KCNK10: variants seen among roughly 807,000 people sequenced by gnomAD.
KCNK10 encodes potassium channel subfamily K member 10.
Under a neutral mutation model 47.7 loss-of-function variants are expected in KCNK10, and 25 were observed. That is an observed-to-expected ratio of 0.52 (90% CI 0.38 to 0.73). The LOEUF (loss-of-function observed/expected upper bound fraction) is 0.73, where lower values mean the gene tolerates loss of function less well. Ranked by LOEUF, KCNK10 falls within the 30% of genes least tolerant of loss-of-function variation. KCNK10 has a pLI of 0.00. For missense variants in KCNK10, 563 were observed against 714.5 expected (o/e 0.79, Z 2.42); for synonymous variants, 303 against 285.6 (o/e 1.06, Z -0.61).
At chr14:88,300,858 T>C (rs1215681997) in intron 1 of KCNK10, among the ~76,000 whole-genome samples, 1 of 152,060 alleles carries the variant, frequency 6.6e-6, no homozygotes, top group Non-Finnish European at 1.5e-5. Context: ...ATTTATCATA[T>C]GTTTTAAATA....
At chr14:88,272,951 G>A (rs1249188872) in intron 1 of KCNK10, among the ~76,000 whole-genome samples, 2 of 152,150 alleles carry the variant, frequency 1.3e-5, no homozygotes, top group Non-Finnish European at 2.9e-5. Context: ...ATCATGCTCT[G>A]CAAGACAGAA....
intron 1 of KCNK10, among the ~76,000 whole-genome samples, chr14:88,284,745 A>G (rs974545278): frequency 1.3e-5 from 2 of 152,146 alleles, no homozygotes; most frequent in Non-Finnish European, 2.9e-5. Flanking sequence ...CTTCCTCTCC[A>G]GTCCACTGGC....
At chr14:88,233,538 T>C (rs557478180) in intron 3 of KCNK10, among the ~76,000 whole-genome samples, 66 of 152,306 alleles carry the variant, frequency 4.3e-4, no homozygotes, top group African/African-American at 1.6e-3. Context: ...CCACTGGGGA[T>C]ATGACAATGA....
intron 1 of KCNK10, among the ~76,000 whole-genome samples, chr14:88,310,375 T>C (rs1888303353): frequency 6.6e-6 from 1 of 151,968 alleles, no homozygotes; most frequent in Non-Finnish European, 1.5e-5. Context: ...GCCCCATTTC[T>C]GCAGGCACTC....
chr14:88,240,553 C>A, intron 3 of KCNK10, 150 bp downstream of exon 3: 1 of 580,362 alleles, frequency 1.7e-6, no homozygotes, highest in Non-Finnish European at 3.1e-6. Context: ...TGAAAGCCAC[C>A]ACAATGACTG....
rs1888585613 is a variant in KCNK10, at chr14:88,323,153, A to G, written c.-355T>C. The G allele has an allele frequency of 8.8e-7, 1 of 1,133,586 alleles. No individual in the cohort carries two copies. Among genetic ancestry groups the G allele is most frequent in the Non-Finnish European group, 1.1e-6 (1 of 917,660 alleles). 70.2% of individuals were successfully genotyped at this position (1,133,586 alleles called of 1,614,324 possible). A position where few individuals can be genotyped will look rare whatever the true frequency, so the allele number is the denominator to read the frequency against. On this transcript the variant is annotated 5_prime_UTR_variant, in exon 1 of 7. Coordinates refer to ENST00000319231, the MANE Select transcript of KCNK10 (RefSeq NM_138317.3). ...GGTGCCGGCAGGTTAGGGGCTGCGC[A>G]GCCTGAAGGCTGGGGCTACGGAGAA...
At chr14:88,235,576 T>C (rs1886277280) in intron 3 of KCNK10, among the ~76,000 whole-genome samples, 1 of 152,024 alleles carries the variant, frequency 6.6e-6, no homozygotes, top group Non-Finnish European at 1.5e-5. Context: ...AAATTCCCTA[T>C]TGATCACAAA....
At chr14:88,300,655 T>C (rs1300888872) in intron 1 of KCNK10, among the ~76,000 whole-genome samples, 1 of 152,180 alleles carries the variant, frequency 6.6e-6, no homozygotes, top group African/African-American at 2.4e-5. Flanking sequence ...GACTGAGTTT[T>C]AATAGCTTTC....
chr14:88,217,563 AAT>A (rs1342348489), intron 4 of KCNK10, among the ~76,000 whole-genome samples: 1 of 152,140 alleles, frequency 6.6e-6, no homozygotes. Context: ...TTTACTTAAA[AAT>A]ATTTTTAGAG....
At chr14:88,320,491 C>T (rs932168164) in intron 1 of KCNK10, among the ~76,000 whole-genome samples, 2 of 152,144 alleles carry the variant, frequency 1.3e-5, no homozygotes, top group African/African-American at 4.8e-5. Context: ...CTGACCCCAG[C>T]ACTTAGACAG....
intron 2 of KCNK10, among the ~76,000 whole-genome samples, chr14:88,251,708 AGCTTCACAGT>A (rs1886804934): frequency 6.6e-6 from 1 of 152,252 alleles, no homozygotes; most frequent in Non-Finnish European, 1.5e-5. Flanking sequence ...CATAACTGTA[AGCTTCACAGT>A]GCTCTTAAGA....
At chr14:88,192,057 T>C (rs1443335227) in intron 5 of KCNK10, among the ~76,000 whole-genome samples, 167 bp downstream of exon 5, 1 of 152,254 alleles carries the variant, frequency 6.6e-6, no homozygotes, top group Non-Finnish European at 1.5e-5. Flanking sequence ...ATGGTATTTA[T>C]ATTACATAGG....
chr14:88,187,609 C>T (rs915436342), intron 6 of KCNK10, among the ~76,000 whole-genome samples: 3 of 125,128 alleles, frequency 2.4e-5, no homozygotes, highest in Non-Finnish European at 3.5e-5. Flanking sequence ...ACCCTGAGAC[C>T]GGAAGGACAG....
chr14:88,302,624 C>T (rs1166004835), intron 1 of KCNK10, among the ~76,000 whole-genome samples: 1 of 152,154 alleles, frequency 6.6e-6, no homozygotes, highest in African/African-American at 2.4e-5. Flanking sequence ...GCAGGAAAAT[C>T]GCTTGAACCC....
chr14:88,268,351 C>G (rs988552501), intron 1 of KCNK10, among the ~76,000 whole-genome samples: 1 of 152,192 alleles, frequency 6.6e-6, no homozygotes, highest in Non-Finnish European at 1.5e-5. Context: ...GCAGCCAGGG[C>G]CCTGATCACC....
chr14:88,295,776 C>T (rs976446993), intron 1 of KCNK10, among the ~76,000 whole-genome samples: 1 of 152,086 alleles, frequency 6.6e-6, no homozygotes, highest in African/African-American at 2.4e-5. Flanking sequence ...GTATCAGAAA[C>T]ATAATTAAAG....
chr14:88,316,290 C>T (rs1399032431), intron 1 of KCNK10, among the ~76,000 whole-genome samples: 1 of 152,028 alleles, frequency 6.6e-6, no homozygotes, highest in African/African-American at 2.4e-5. Context: ...ATTTTCAATT[C>T]AGAGTACTCA....
At position 88,187,957 on chromosome 14, in the gene KCNK10, G is replaced by A. The variant is rs1884625265; in HGVS notation, c.1011+10C>T. On this transcript the variant is annotated intron_variant, in intron 6 of 6. Transcript: ENST00000319231. ...TCAGGAACATTCATAGGGTTAGGAA[G>A]GGGTCCTACCTCTTCTTTTGTCTTT... 1 of 1,613,808 alleles carries A rather than the reference G, an allele frequency of 6.2e-7. No homozygotes were observed. The highest frequency in any genetic ancestry group is 8.5e-7 in the Non-Finnish European group (1 of 1,179,962).
intron 1 of KCNK10, among the ~76,000 whole-genome samples, chr14:88,264,905 C>G (rs765454319): frequency 2.0e-5 from 3 of 152,166 alleles, no homozygotes; most frequent in Admixed American, 6.5e-5. Flanking sequence ...GTGAGCCTTG[C>G]CTAAGGTGGC....
Sources: gnomAD v4.1 joint callset for allele counts (sites outside exome capture counted in the v4.1 genomes callset) on GRCh38, gnomAD v4.1.1 for gene constraint, MANE v1.5 for transcripts, NCBI Gene and HGNC (gene_info 2026-07-23, HGNC 2026-07-21) for gene names.